The following SNIP1 variants were observed in gnomAD, a reference collection of about 807,000 sequenced individuals.
SNIP1 encodes Smad nuclear interacting protein 1, also known as smad nuclear-interacting protein 1.
A neutral mutation model predicts 37.4 loss-of-function variants in SNIP1; 23 were observed. The observed-to-expected ratio is 0.61, with a 90% CI of 0.44 to 0.87. The LOEUF (loss-of-function observed/expected upper bound fraction) is 0.87. Among genes scored for constraint, SNIP1 ranks in the 40% least tolerant of loss-of-function variants. The probability of loss-of-function intolerance (pLI) is 0.00; values close to 1 mark genes in which losing one functional copy is unlikely to be tolerated. For missense variants in SNIP1, 459 were observed against 540.4 expected, an observed-to-expected ratio of 0.85 and a Z score of 1.49; for synonymous variants, 174 against 200.0, an observed-to-expected ratio of 0.87 and a Z score of 1.10.
intron 2 of SNIP1, chr1:37,544,777 T>TCC (rs1643213196): frequency 2.8e-6 from 2 of 724,334 alleles, no homozygotes; most frequent in East Asian, 5.2e-5. Flanking sequence ...CGACTGCGCG[T>TCC]CCCCCTCGCA....
chr1:37,537,627 A>G lies in SNIP1; in HGVS notation c.*121T>C. ...TGGTCAGCAACAGAGGAAAGACTTA[A>G]GGCAGTAAGAGGCATTACAGAGAGC... On this transcript the variant is annotated 3_prime_UTR_variant, in exon 4 of 4. Coordinates refer to ENST00000296215, the MANE Select transcript of SNIP1 (RefSeq NM_024700.4). 9.8e-7 allele frequency: 1 copy of G among 1,018,258 alleles called. No individual in the cohort carries two copies. Among genetic ancestry groups the G allele is most frequent in the Non-Finnish European group, 1.5e-6 (1 of 685,140 alleles). 63.1% of individuals were successfully genotyped at this position (1,018,258 alleles called of 1,614,324 possible).
intron 2 of SNIP1, chr1:37,545,120 G>A (rs532966716): frequency 1.1e-4 from 78 of 739,818 alleles, no homozygotes; most frequent in East Asian, 4.0e-4. Flanking sequence ...ACTGGCCACC[G>A]ACAAAATTAC....
Position 37,554,050 on chromosome 1 carries a change from C to T in SNIP1, c.180G>A (p.Pro60=). The change falls in exon 1 of 4, where the codon CCG becomes CCA. Residue 60 remains proline, a synonymous_variant. Transcript: ENST00000296215. ...GGTTCCCGCGGTGGCCCGAGCGGGC[C>T]GGCTCGCTGGTCGGCGGAGACGGGC... ...GGSPSPPTSE[P]ARSGHRGNRA... The T allele has an allele frequency of 6.3e-7, 1 of 1,588,978 alleles. No homozygotes were observed. The highest frequency in any genetic ancestry group is 8.6e-7 in the Non-Finnish European group (1 of 1,168,660).
intron 2 of SNIP1, among the ~76,000 whole-genome samples, chr1:37,542,086 C>T (rs890262382): frequency 6.6e-6 from 1 of 152,170 alleles, no homozygotes; most frequent in Admixed American, 6.6e-5. Context: ...TTCTCTTTAG[C>T]ATTCCTAATT....
In SNIP1 at chr1:37,538,027, G is replaced by A. The variant is rs1348297913; in HGVS notation, c.927-15C>T. 2 of 1,570,392 alleles carry A rather than the reference G, an allele frequency of 1.3e-6. No individual in the cohort carries two copies. Among genetic ancestry groups the A allele is most frequent in the African/African-American group, 1.4e-5 (1 of 72,918 alleles). On this transcript the variant is annotated splice_polypyrimidine_tract_variant and intron_variant, in intron 3 of 3. Coordinates refer to ENST00000296215, the MANE Select transcript of SNIP1 (RefSeq NM_024700.4). ...ATTCCACAAGCCTAGCAGAAAAAAA[G>A]GAGAAACCTGTGAGCAAACTTCTGC...
chr1:37,547,673 G>A (rs1181444772), intron 2 of SNIP1, among the ~76,000 whole-genome samples: 1 of 152,006 alleles, frequency 6.6e-6, no homozygotes, highest in East Asian at 1.9e-4. Flanking sequence ...GGCAAAGATT[G>A]CAGTGAGCCA....
chr1:37,551,484 C>G (rs1385803885), intron 2 of SNIP1, among the ~76,000 whole-genome samples: 1 of 152,142 alleles, frequency 6.6e-6, no homozygotes, highest in Non-Finnish European at 1.5e-5. Flanking sequence ...AAGTACCAAA[C>G]CCAAGTACCT....
At chr1:37,541,361 T>C (rs1033957407) in intron 2 of SNIP1, 28 of 152,296 alleles carry the variant, frequency 1.8e-4, no homozygotes, top group Middle Eastern at 3.4e-3. Flanking sequence ...TTGAAAAAGA[T>C]AGCAATGAAA....
At chr1:37,538,408 T>C (rs1410276436) in intron 3 of SNIP1, among the ~76,000 whole-genome samples, 5 of 148,308 alleles carry the variant, frequency 3.4e-5, no homozygotes, top group Admixed American at 6.8e-5. Context: ...ACTTGGGAGG[T>C]TGAGGCACGA....
chr1:37,546,664 ACT>A (rs1643242096), intron 2 of SNIP1, among the ~76,000 whole-genome samples: 2 of 151,808 alleles, frequency 1.3e-5, no homozygotes, highest in African/African-American at 2.4e-5. Context: ...ACGGAGTGAG[ACT>A]CTGTTTCAAA....
In SNIP1 at chr1:37,540,976, T is replaced by C. The variant is rs1557625276; in HGVS notation, c.328-221A>G. The C allele has an allele frequency of 2.1e-6, 1 of 472,506 alleles. No homozygotes were observed. The highest frequency in any genetic ancestry group is 3.2e-5 in the East Asian group (1 of 31,630). 29.3% of individuals were successfully genotyped at this position (472,506 alleles called of 1,614,324 possible). A position where few individuals can be genotyped will look rare whatever the true frequency, so the allele number is the denominator to read the frequency against. On this transcript the variant is annotated intron_variant, in intron 2 of 3. Transcript: ENST00000296215. The surrounding 1 kb of genome is among the most constrained non-coding windows in gnomAD (Gnocchi z 5.6). ...TGCTGCTATTCAACTATAGCCCTAA[T>C]AGCACAAGTCCAGGTCCACAGCCCT...
intron 2 of SNIP1, among the ~76,000 whole-genome samples, chr1:37,549,442 T>C (rs1643277617): frequency 6.6e-6 from 1 of 152,338 alleles, no homozygotes; most frequent in African/African-American, 2.4e-5. Context: ...TCTCACTCTG[T>C]CGCCCAGGCT....
Position 37,540,489 on chromosome 1 carries a change from G to A in SNIP1, c.594C>T (p.Gly198=), listed in dbSNP as rs533268170. 4.0e-5 allele frequency: 65 copies of A among 1,613,958 alleles called. No homozygotes were observed. In the South Asian group the frequency reaches 5.5e-4, roughly 14 times the overall value. ...EHRQRNDVGG[G]GSESQELVPR... is the part of the protein sequence containing the mutation. ...GAACCAACTCCTGAGACTCACTGCC[G>A]CCACCACCAACGTCATTCCTCTGGC... is the stretch of plus-strand genomic sequence containing the variant. The change falls in exon 3 of 4, where the codon GGC becomes GGT. Residue 198 remains glycine (G), a synonymous_variant. Coordinates refer to ENST00000296215, the MANE Select transcript of SNIP1 (RefSeq NM_024700.4). This position sits in a 1 kb window ranked among gnomAD's most constrained non-coding sequence, Gnocchi z 5.6.
At chr1:37,542,853 G>C (rs2148113853) in intron 2 of SNIP1, among the ~76,000 whole-genome samples, 1 of 152,222 alleles carries the variant, frequency 6.6e-6, no homozygotes, top group African/African-American at 2.4e-5. Flanking sequence ...CAAGGCAGGA[G>C]AACTGCTTAA....
Position 37,554,289 on chromosome 1 carries a change from A to AATCAGCATTCTCTTCTTGTCC in SNIP1, c.-61_-60insGGACAAGAAGAGAATGCTGAT. The AATCAGCATTCTCTTCTTGTCC allele has an allele frequency of 6.6e-7, 1 of 1,507,912 alleles. No individual in the cohort carries two copies. Among genetic ancestry groups the AATCAGCATTCTCTTCTTGTCC allele is most frequent in the Non-Finnish European group, 8.9e-7 (1 of 1,121,790 alleles). The allele number at this position is 1,507,912 out of a possible 1,614,324, so 93.4% of individuals were successfully genotyped here. On this transcript the variant is annotated 5_prime_UTR_variant, in exon 1 of 4. The change creates a new upstream start codon in the 5' untranslated region. Coordinates refer to ENST00000296215, the MANE Select transcript of SNIP1 (RefSeq NM_024700.4). ...AGTTGAGCTCCTCTAGCTGGAGGAA[A>AATCAGCATTCTCTTCTTGTCC]TGACGAGTTTAACTCCTGGACTTCC...
chr1:37,548,152 C>CAAAAAAAAAAAAAAAAAAA (rs35503081), intron 2 of SNIP1, among the ~76,000 whole-genome samples: 1 of 65,350 alleles, frequency 1.5e-5, no homozygotes, highest in Non-Finnish European at 2.6e-5. Flanking sequence ...GACTCCATAT[C>CAAAAAAAAAAAAAAAAAAA]AAAAAAAAAA....
At position 37,540,798 on chromosome 1, in the gene SNIP1, T is replaced by C. The variant is rs1643165684; in HGVS notation, c.328-43A>G. On this transcript the variant is annotated intron_variant, in intron 2 of 3. Transcript: ENST00000296215. The surrounding 1 kb of genome is among the most constrained non-coding windows in gnomAD (Gnocchi z 5.6). Reference sequence around the variant, plus strand: ...TCTGTAATTTAAACGCAGTGCACAATCTAAAGGCAGCCCAAATCTTGTTCT... The same window carrying C: ...TCTGTAATTTAAACGCAGTGCACAACCTAAAGGCAGCCCAAATCTTGTTCT... The C allele has an allele frequency of 6.7e-7, 1 of 1,500,648 alleles. No homozygotes were observed. The highest frequency in any genetic ancestry group is 1.4e-5 in the African/African-American group (1 of 71,896). The allele number at this position is 1,500,648 out of a possible 1,614,324, so 93.0% of individuals were successfully genotyped here. A position where few individuals can be genotyped will look rare whatever the true frequency, so the allele number is the denominator to read the frequency against.
Position 37,554,249 on chromosome 1 carries a change from G to C in SNIP1, c.-20C>G, listed in dbSNP as rs755466442. Reference sequence around the variant, plus strand: ...CTTCATTCTGTGATTTTGGCTGGGCGAAAGAAAACAGATCAGTTGAGCTCC... The same window carrying C: ...CTTCATTCTGTGATTTTGGCTGGGCCAAAGAAAACAGATCAGTTGAGCTCC... On this transcript the variant is annotated 5_prime_UTR_variant, in exon 1 of 4. Coordinates refer to ENST00000296215, the MANE Select transcript of SNIP1 (RefSeq NM_024700.4). The C allele has an allele frequency of 6.3e-7, 1 of 1,579,226 alleles. No homozygotes were observed. The highest frequency in any genetic ancestry group is 1.2e-5 in the South Asian group (1 of 86,094).
chr1:37,548,826 T>C (rs1163147868), intron 2 of SNIP1: 1 of 152,182 alleles, frequency 6.6e-6, no homozygotes, highest in Non-Finnish European at 1.5e-5. Context: ...ATTACTCTTT[T>C]ATCTCTCCTT....
Sources: allele counts gnomAD v4.1 joint callset (sites outside exome capture counted in the v4.1 genomes callset), GRCh38; gene constraint gnomAD v4.1.1; non-coding constraint Gnocchi (gnomAD v3.1); transcripts MANE v1.5; gene names NCBI Gene and HGNC (gene_info 2026-07-23, HGNC 2026-07-21).